Variants in TTC13 observed in about 807,000 individuals in gnomAD.
TTC13 encodes the protein tetratricopeptide repeat domain 13.
TTC13 carries 62 observed loss-of-function variants against 120.0 expected under a neutral mutation model. The observed-to-expected ratio is 0.52, with a 90% CI of 0.42 to 0.64. TTC13 has a LOEUF of 0.64. Among genes scored for constraint, TTC13 ranks in the 30% least tolerant of loss-of-function variants. The pLI, the probability that TTC13 is intolerant of heterozygous loss-of-function variation, is 0.00. For missense variants in TTC13, 824 were observed against 1,050.2 expected (o/e 0.78, Z 2.98); for synonymous variants, 384 against 393.5 (o/e 0.98, Z 0.28).
chr1:230,964,789 C>G (rs917386431), intron 1 of TTC13, among the ~76,000 whole-genome samples: 2 of 152,108 alleles, frequency 1.3e-5, no homozygotes, highest in Admixed American at 1.3e-4. Flanking sequence ...GACACACAGA[C>G]TAATGGAACA....
At chr1:230,951,177 A>G (rs558590361) in intron 4 of TTC13, among the ~76,000 whole-genome samples, 1 of 152,342 alleles carries the variant, frequency 6.6e-6, no homozygotes, top group East Asian at 1.9e-4. Context: ...CAGGAAAGGT[A>G]TAAGAGCTTT....
At chr1:230,915,251 G>A (rs1325678996) in intron 18 of TTC13, among the ~76,000 whole-genome samples, 1 of 152,182 alleles carries the variant, frequency 6.6e-6, no homozygotes, top group Non-Finnish European at 1.5e-5. Flanking sequence ...AAGAGGCAGA[G>A]GGGCTGGAGA....
intron 1 of TTC13, among the ~76,000 whole-genome samples, chr1:230,968,187 G>GT (rs1677326700): frequency 1.3e-5 from 1 of 74,176 alleles, no homozygotes; most frequent in East Asian, 3.5e-4. Flanking sequence ...ATGGTGGTGG[G>GT]GGGGGGGCCT....
In TTC13 at chr1:230,931,862, A is replaced by G; in HGVS notation, c.999T>C (p.Phe333=). The G allele has an allele frequency of 6.2e-7, 1 of 1,614,176 alleles. No individual in the cohort carries two copies. Among genetic ancestry groups the G allele is most frequent in the Non-Finnish European group, 8.5e-7 (1 of 1,180,012 alleles). The part of the protein sequence containing the change: ...LGQAYRELGN[F]EAATESFQKA... Reference sequence around the variant, plus strand: ...TTTGAAAGCTCTCAGTGGCTGCTTCAAAATTGCCCAGTTCTCTAGGTATTT... The same window carrying G: ...TTTGAAAGCTCTCAGTGGCTGCTTCGAAATTGCCCAGTTCTCTAGGTATTT... The change falls in exon 10 of 23, where the codon TTT becomes TTC. Residue 333 remains phenylalanine (F), a synonymous_variant. Coordinates refer to ENST00000366661, the MANE Select transcript of TTC13 (RefSeq NM_024525.5).
chr1:230,973,978 G>A (rs1223459943), intron 1 of TTC13, among the ~76,000 whole-genome samples: 2 of 151,778 alleles, frequency 1.3e-5, no homozygotes, highest in Non-Finnish European at 2.9e-5. Flanking sequence ...TTGGGAGGCT[G>A]AGGCAGGAGA....
rs551888811 is a variant in TTC13 at position 230,913,531 on chromosome 1, C to T, written c.2094-773G>A. On this transcript the variant is annotated intron_variant, in intron 18 of 22. Transcript: ENST00000366661. ...TGCACCTGTAGTTATTTTTAAAAATCTGTTGCAGAGGCAGGGTCTCACCAT... is the reference window on the plus strand; with the variant it reads ...TGCACCTGTAGTTATTTTTAAAAATTTGTTGCAGAGGCAGGGTCTCACCAT... 7.9e-5 allele frequency among the ~76,000 whole-genome samples: 12 copies of T among 152,150 alleles called. No individual in the cohort carries two copies. The South Asian group carries it at 2.5e-3, about 32-fold the overall frequency.
At chr1:230,920,446 A>C in intron 17 of TTC13, 64 bp downstream of exon 17, 1 of 1,175,142 alleles carries the variant, frequency 8.5e-7, no homozygotes, top group Non-Finnish European at 1.3e-6. Flanking sequence ...GTTCTTTTTA[A>C]AAAAGTGCTG....
At chr1:230,928,677 A>C (rs1368946972) in intron 12 of TTC13, among the ~76,000 whole-genome samples, 1 of 152,184 alleles carries the variant, frequency 6.6e-6, no homozygotes, top group African/African-American at 2.4e-5. Flanking sequence ...TAATGTATCT[A>C]CCATTTCATA....
chr1:230,906,313 A>G lies in TTC13; in HGVS notation c.*592T>C, dbSNP rs1285412316. Reference sequence around the variant, plus strand: ...TTTTTTCAACAAAGGAAAAAAAAACATGGTTCAATAATTCAGCATTTGGGA... The same window carrying G: ...TTTTTTCAACAAAGGAAAAAAAAACGTGGTTCAATAATTCAGCATTTGGGA... On this transcript the variant is annotated 3_prime_UTR_variant, in exon 23 of 23. Coordinates refer to ENST00000366661, the MANE Select transcript of TTC13 (RefSeq NM_024525.5). The G allele has an allele frequency of 1.3e-5, 2 of 152,194 alleles. No homozygotes were observed. The highest frequency in any genetic ancestry group is 3.8e-4 in the East Asian group (2 of 5,200). The allele number at this position is 152,194 out of a possible 1,614,324, so 9.4% of individuals were successfully genotyped here.
At chr1:230,974,092 G>T (rs1678027917) in intron 1 of TTC13, among the ~76,000 whole-genome samples, 1 of 144,272 alleles carries the variant, frequency 6.9e-6, no homozygotes, top group Non-Finnish European at 1.5e-5. Context: ...AAAAAAAAAA[G>T]AAGAGCAGAG....
chr1:230,957,016 G>A (rs1277411590), intron 3 of TTC13, among the ~76,000 whole-genome samples: 1 of 152,116 alleles, frequency 6.6e-6, no homozygotes, highest in Non-Finnish European at 1.5e-5. Context: ...ATTATTCTTG[G>A]AGAACAAAAC....
chr1:230,933,454 T>C (rs1307842436), intron 9 of TTC13, among the ~76,000 whole-genome samples: 1 of 152,176 alleles, frequency 6.6e-6, no homozygotes, highest in Non-Finnish European at 1.5e-5. Flanking sequence ...TTACCTTAGT[T>C]ACTGTCTAAG....
chr1:230,943,076 T>C (rs912387741), intron 6 of TTC13, among the ~76,000 whole-genome samples: 8 of 152,206 alleles, frequency 5.3e-5, no homozygotes, highest in African/African-American at 1.7e-4. Flanking sequence ...GAATGAACGC[T>C]TCCAAGGGCT....
chr1:230,940,690 C>A lies in TTC13; in HGVS notation c.673-134G>T. On this transcript the variant is annotated intron_variant, in intron 6 of 22. Coordinates refer to ENST00000366661, the MANE Select transcript of TTC13 (RefSeq NM_024525.5). This position sits in a 1 kb window ranked among gnomAD's most constrained non-coding sequence, Gnocchi z 4.1. ...CTCAGCAGGCTGCAATCCTTGACCCCCTATATTATGCGGTGGGGTTCAAAG... is the reference window on the plus strand; with the variant it reads ...CTCAGCAGGCTGCAATCCTTGACCCACTATATTATGCGGTGGGGTTCAAAG... 1 of 631,804 alleles carries A rather than the reference C, an allele frequency of 1.6e-6. No homozygotes were observed. The highest frequency in any genetic ancestry group is 2.4e-5 in the Admixed American group (1 of 42,520). The allele number at this position is 631,804 out of a possible 1,614,324, so 39.1% of individuals were successfully genotyped here.
chr1:230,952,958 A>T (rs1394355033), intron 4 of TTC13, among the ~76,000 whole-genome samples: 1 of 152,196 alleles, frequency 6.6e-6, no homozygotes, highest in African/African-American at 2.4e-5. Context: ...GAATAAAATA[A>T]TACATCTGCA....
At chr1:230,950,602 A>T (rs1184336888) in intron 4 of TTC13, among the ~76,000 whole-genome samples, 1 of 152,242 alleles carries the variant, frequency 6.6e-6, no homozygotes, top group Non-Finnish European at 1.5e-5. Flanking sequence ...CAATGTAATG[A>T]GGATTAGATT....
intron 11 of TTC13, 68 bp downstream of exon 11, chr1:230,931,230 A>T (rs940855060): frequency 6.5e-7 from 1 of 1,527,512 alleles, no homozygotes; most frequent in Non-Finnish European, 8.9e-7. Flanking sequence ...AACATAAAAG[A>T]GTCAAGCAAT....
At position 230,951,454 on chromosome 1, in the gene TTC13, A is replaced by G. The variant is rs753741731; in HGVS notation, c.513+2879T>C. 9.2e-4 allele frequency among the ~76,000 whole-genome samples: 140 copies of G among 152,300 alleles called. 1 individual carries two copies. The highest frequency in any genetic ancestry group is 3.4e-3 in the Admixed American group (52 of 15,294). On this transcript the variant is annotated intron_variant, in intron 4 of 22. Coordinates refer to ENST00000366661, the MANE Select transcript of TTC13 (RefSeq NM_024525.5). ...TGTACATGAATAGCTACCACTTTGT[A>G]GATTTGTCAAAGGACATTTACTGGC...
chr1:230,966,588 T>C (rs1017804472), intron 1 of TTC13, among the ~76,000 whole-genome samples: 3 of 152,172 alleles, frequency 2.0e-5, no homozygotes, highest in African/African-American at 7.2e-5. Context: ...AAACCAGAAA[T>C]GACCCTTCTT....
Sources: gnomAD v4.1 joint callset for allele counts (sites outside exome capture counted in the v4.1 genomes callset) on GRCh38, gnomAD v4.1.1 for gene constraint, Gnocchi (gnomAD v3.1) non-coding constraint, MANE v1.5 for transcripts, NCBI Gene and HGNC (gene_info 2026-07-23, HGNC 2026-07-21) for gene names.